Variants in NT5C3B observed in about 807,000 individuals in gnomAD.
NT5C3B encodes the protein 7-methylguanosine phosphate-specific 5'-nucleotidase.
In NT5C3B, 28 loss-of-function variants were observed where a neutral mutation model predicts 32.5. That is an observed-to-expected ratio of 0.86 (90% CI 0.64 to 1.18). The LOEUF is 1.18. NT5C3B is among the 50% of genes most tolerant of loss of function. The pLI is 0.00. For synonymous variants in NT5C3B, 138 were observed against 118.0 expected (o/e 1.17, Z -1.10); for missense variants, 317 against 322.0 (o/e 0.98, Z 0.12).
chr17:41,833,570 A>G (rs1313983573), intron 4 of NT5C3B, among the ~76,000 whole-genome samples: 2 of 152,140 alleles, frequency 1.3e-5, no homozygotes, highest in East Asian at 3.9e-4. Context: ...TGCCCGCCTC[A>G]GCCTCCCAGA....
At chr17:41,835,514 T>A in intron 2 of NT5C3B, 1 of 680,620 alleles carries the variant, frequency 1.5e-6, no homozygotes, top group Non-Finnish European at 2.7e-6. Flanking sequence ...TCAGGACCCC[T>A]CTGACTCCTT....
At chr17:41,830,118 C>A (rs145443616) in intron 6 of NT5C3B, among the ~76,000 whole-genome samples, 257 of 152,300 alleles carry the variant, frequency 1.7e-3, no homozygotes, top group Non-Finnish European at 3.3e-3. Context: ...TCAGTGAAGG[C>A]CGCCAACGAT....
intron 8 of NT5C3B, among the ~76,000 whole-genome samples, chr17:41,825,889 G>A (rs1003937714): frequency 9.2e-5 from 14 of 152,118 alleles, no homozygotes; most frequent in African/African-American, 3.4e-4. Flanking sequence ...CAGTAACAAG[G>A]AATAAAAACA....
rs782015605 is a variant in NT5C3B, at chr17:41,835,234, T to C, written c.150A>G (p.Ala50=). 11 of 1,614,080 alleles carry C rather than the reference T, an allele frequency of 6.8e-6. No individual in the cohort carries two copies. In the Admixed American group the frequency reaches 1.5e-4, roughly 22 times the overall value. Residue 50 remains alanine (A), a synonymous_variant, in exon 3 of 9, where the codon GCA becomes GCG. Transcript: ENST00000435506. ...AAGAAGGGCATCGCTTTCCATTATA[T>C]GCAAACCTGCTCAAGGTCATGTCAA... The part of the protein sequence containing the change: ...SDFDMTLSRF[A]YNGKRCPSSY...
At chr17:41,835,147 C>T (rs371799083) in intron 3 of NT5C3B, 31 bp from the exon 4 acceptor site, 2 of 1,613,692 alleles carry the variant, frequency 1.2e-6, no homozygotes, top group African/African-American at 1.3e-5. Context: ...TTTTACTTGT[C>T]CCTTAGAACC....
Position 41,826,604 on chromosome 17 carries a change from G to C in NT5C3B, c.768+822C>G, listed in dbSNP as rs927939749. Among the ~76,000 whole-genome samples, 4 of 152,160 alleles carry C rather than the reference G, an allele frequency of 2.6e-5. No individual in the cohort carries two copies. The South Asian group carries it at 8.3e-4, about 32-fold the overall frequency. On this transcript the variant is annotated intron_variant, in intron 8 of 8. Transcript: ENST00000435506. ...AGTGGCGCAATCTCAGCTCACCCAGGAGATGGAGGTTGCAGGGAGCCGAGA... is the reference window on the plus strand; with the variant it reads ...AGTGGCGCAATCTCAGCTCACCCAGCAGATGGAGGTTGCAGGGAGCCGAGA...
At chr17:41,835,036 A>G in intron 4 of NT5C3B, 34 bp downstream of exon 4, 1 of 1,606,636 alleles carries the variant, frequency 6.2e-7, no homozygotes, top group Non-Finnish European at 8.5e-7. Flanking sequence ...AGCAAATGAC[A>G]ACCATTTCTG....
chr17:41,835,288 G>C lies in NT5C3B; in HGVS notation c.112-16C>G. 1 of 1,610,274 alleles carries C rather than the reference G, an allele frequency of 6.2e-7. No homozygotes were observed. The highest frequency in any genetic ancestry group is 8.5e-7 in the Non-Finnish European group (1 of 1,176,624). On this transcript the variant is annotated splice_polypyrimidine_tract_variant and intron_variant, in intron 2 of 8. Transcript: ENST00000435506. ...CAGAAATCACCTATAAGGCAAAAGA[G>C]AGATGATGCCTAAATAGGCACCAGA... is the stretch of plus-strand genomic sequence containing the variant.
rs549579313 is a variant in NT5C3B, at chr17:41,834,193, C to T, written c.228+877G>A. 3.9e-5 allele frequency among the ~76,000 whole-genome samples: 6 copies of T among 151,932 alleles called. No homozygotes were observed. In the East Asian group the frequency reaches 7.7e-4, roughly 20 times the overall value. Reference sequence around the variant, plus strand: ...GGCGGATCACCTGAGGTTGGGAGTTCGAGATCAGCCTGACCAACATGGAGA... The same window carrying T: ...GGCGGATCACCTGAGGTTGGGAGTTTGAGATCAGCCTGACCAACATGGAGA... On this transcript the variant is annotated intron_variant, in intron 4 of 8. Transcript: ENST00000435506.
In NT5C3B at chr17:41,830,682, C is replaced by T. The variant is rs564235590; in HGVS notation, c.404+119G>A. Reference sequence around the variant, plus strand: ...TGTATCACATCAGTTGTTCATAGTGCCATGTCCCTTCCGGTCCTTTAAGCA... The same window carrying T: ...TGTATCACATCAGTTGTTCATAGTGTCATGTCCCTTCCGGTCCTTTAAGCA... On this transcript the variant is annotated intron_variant, in intron 6 of 8. Coordinates refer to ENST00000435506, the MANE Select transcript of NT5C3B (RefSeq NM_052935.5). 3.6e-4 allele frequency: 264 copies of T among 724,096 alleles called. No individual in the cohort carries two copies. In the African/African-American group the frequency reaches 4.2e-3, roughly 12 times the overall value. The allele number at this position is 724,096 out of a possible 1,614,324, so 44.9% of individuals were successfully genotyped here.
At chr17:41,826,871 A>G (rs1415722925) in intron 8 of NT5C3B, among the ~76,000 whole-genome samples, 2 of 151,518 alleles carry the variant, frequency 1.3e-5, no homozygotes, top group Non-Finnish European at 2.9e-5. Context: ...GTGGTGGCAC[A>G]TGCCTGTAGT....
At chr17:41,834,381 C>CA (rs1190662989) in intron 4 of NT5C3B, among the ~76,000 whole-genome samples, 127 of 99,890 alleles carry the variant, frequency 1.3e-3, no homozygotes, top group South Asian at 2.3e-3. Flanking sequence ...GACTCTGTCT[C>CA]AAAAAAAAAA....
intron 6 of NT5C3B, 56 bp downstream of exon 6, chr17:41,830,745 T>TG: frequency 7.5e-7 from 1 of 1,330,936 alleles, no homozygotes. Flanking sequence ...CTCCTTTTTT[T>TG]GAACAAAACA....
In NT5C3B at chr17:41,830,879, G is replaced by A. The variant is rs782692124; in HGVS notation, c.326C>T (p.Ala109Val). 3.6e-5 allele frequency: 57 copies of A among 1,601,764 alleles called. No homozygotes were observed. Among genetic ancestry groups the A allele is most frequent in the Non-Finnish European group, 3.8e-5 (45 of 1,172,366 alleles). The stretch of plus-strand genomic sequence containing the variant: ...CTTCTGCTGACATAGGAGATTGTGT[G>A]CTTTGGTCCACCTAGAAACAGACAC... ...LPHMVEWWTKAHNLLCQQKIQ... is the reference protein window; with the variant it reads ...LPHMVEWWTKVHNLLCQQKIQ... The change falls in exon 6 of 9, where the codon GCA (alanine) becomes GTA (valine). Residue 109 changes from alanine (A) to valine (V), a missense_variant. Transcript: ENST00000435506.
chr17:41,835,317 C>A, intron 2 of NT5C3B, 45 bp from the exon 3 acceptor site: 1 of 1,524,930 alleles, frequency 6.6e-7, no homozygotes, highest in Non-Finnish European at 9.1e-7. Context: ...CACCAGAATT[C>A]TAGTGTGGCC....
At chr17:41,831,898 T>C (rs2048058100) in intron 5 of NT5C3B, among the ~76,000 whole-genome samples, 1 of 151,534 alleles carries the variant, frequency 6.6e-6, no homozygotes, top group Admixed American at 6.6e-5. Flanking sequence ...CTACAAAAAA[T>C]AGAAAAAATG....
Position 41,825,521 on chromosome 17 carries a change from C to T in NT5C3B, c.*2G>A. On this transcript the variant is annotated 3_prime_UTR_variant, in exon 9 of 9. Coordinates refer to ENST00000435506, the MANE Select transcript of NT5C3B (RefSeq NM_052935.5). Reference sequence around the variant, plus strand: ...CTGCAGGCCGGGCTGGAGCCTGCGCCTTCAGGGGCCTTGCATCTCCAGCTG... The same window carrying T: ...CTGCAGGCCGGGCTGGAGCCTGCGCTTTCAGGGGCCTTGCATCTCCAGCTG... 1 of 872,062 alleles carries T rather than the reference C, an allele frequency of 1.1e-6. No homozygotes were observed. 54.0% of individuals were successfully genotyped at this position (872,062 alleles called of 1,614,324 possible). A position where few individuals can be genotyped will look rare whatever the true frequency, so the allele number is the denominator to read the frequency against.
rs1567864871 is a variant in NT5C3B at position 41,835,849 on chromosome 17, C to CGTTA, written c.111+9_111+10insTAAC. ...CCAGCCCGGCCGGCCCCCGCACGCC[C>CGTTA]CAGAGGTACCTGTAACCGGTCTCCG... On this transcript the variant is annotated intron_variant, in intron 2 of 8. Transcript: ENST00000435506. The CGTTA allele has an allele frequency of 2.5e-6, 4 of 1,604,674 alleles. No individual in the cohort carries two copies. Among genetic ancestry groups the CGTTA allele is most frequent in the Non-Finnish European group, 3.4e-6 (4 of 1,176,664 alleles).
intron 7 of NT5C3B, 106 bp from the exon 8 acceptor site, chr17:41,827,732 A>C: frequency 1.5e-6 from 1 of 676,568 alleles, no homozygotes; most frequent in Non-Finnish European, 2.7e-6. Context: ...AAAGTGATAG[A>C]TAATGCCAAA....
Sources: gnomAD v4.1 joint callset for allele counts (sites outside exome capture counted in the v4.1 genomes callset) on GRCh38, gnomAD v4.1.1 for gene constraint, MANE v1.5 for transcripts, NCBI Gene and HGNC (gene_info 2026-07-23, HGNC 2026-07-21) for gene names.